DIP2C: variants seen among roughly 807,000 people sequenced by gnomAD.
DIP2C encodes disco-interacting protein 2 homolog C.
Under a neutral mutation model 192.4 loss-of-function variants are expected in DIP2C, and 33 were observed. That is an observed-to-expected ratio of 0.17 (90% confidence interval 0.13 to 0.23). The LOEUF is 0.23. Among genes scored for constraint, DIP2C ranks in the 10% least tolerant of loss-of-function variants. The pLI is 1.00. For synonymous variants in DIP2C, 979 were observed against 864.1 expected, an observed-to-expected ratio of 1.13 and a Z score of -2.33; for missense variants, 1,537 against 2,110.1, an observed-to-expected ratio of 0.73 and a Z score of 5.32.
rs560694274 is a variant in DIP2C at position 353,343 on chromosome 10, A to G, written c.2985+3083T>C. ...TATATTTTAAAATTCTAAAGAAGGT[A>G]TAAGTTAAAAAAGGTCAAAAGAGTT... On this transcript the variant is annotated intron_variant, in intron 24 of 36. Coordinates refer to ENST00000280886, the MANE Select transcript of DIP2C (RefSeq NM_014974.3). Among the ~76,000 whole-genome samples, 34 of 152,360 alleles carry G rather than the reference A, an allele frequency of 2.2e-4. No homozygotes were observed. In the South Asian group the frequency reaches 6.2e-3, roughly 28 times the overall value.
intron 1 of DIP2C, among the ~76,000 whole-genome samples, chr10:486,860 C>T (rs570822809): frequency 1.3e-5 from 2 of 152,210 alleles, no homozygotes; most frequent in East Asian, 1.9e-4. Flanking sequence ...CCGGGGCTCT[C>T]GTTAACTCAG....
At chr10:511,982 G>GC (rs1846042981) in intron 1 of DIP2C, among the ~76,000 whole-genome samples, 1 of 152,134 alleles carries the variant, frequency 6.6e-6, no homozygotes, top group Admixed American at 6.5e-5. Context: ...CTCCCGGGAG[G>GC]CCCTCGGTAA....
At chr10:476,936 C>T (rs114795015) in intron 2 of DIP2C, among the ~76,000 whole-genome samples, 2,223 of 151,880 alleles carry the variant, frequency 0.015, 54 homozygotes, top group African/African-American at 0.05. Flanking sequence ...ACCTTGCTCT[C>T]GGTGGAGCTG....
At chr10:593,114 G>A (rs1851497226) in intron 1 of DIP2C, among the ~76,000 whole-genome samples, 4 of 152,068 alleles carry the variant, frequency 2.6e-5, no homozygotes, top group South Asian at 2.1e-4. Context: ...TCCCAGCACT[G>A]AGAGGCAGTC....
intron 4 of DIP2C, among the ~76,000 whole-genome samples, chr10:435,976 T>C (rs975797628): frequency 7.2e-5 from 11 of 152,046 alleles, no homozygotes; most frequent in Admixed American, 3.9e-4. Flanking sequence ...TATATAAATA[T>C]ATAAACAGGT....
At chr10:606,086 G>C (rs944137835) in intron 1 of DIP2C, among the ~76,000 whole-genome samples, 140 of 152,356 alleles carry the variant, frequency 9.2e-4, no homozygotes, top group African/African-American at 3.0e-3. Flanking sequence ...GCAGCGTGGA[G>C]ACCGGGAAGC....
rs138290274 is a variant in DIP2C, at chr10:536,379, C to A, written c.86-49849G>T. 1.6e-3 allele frequency among the ~76,000 whole-genome samples: 240 copies of A among 151,300 alleles called. 3 individuals carry two copies. Among genetic ancestry groups the A allele is most frequent in the East Asian group, 0.014 (71 of 5,178 alleles). On this transcript the variant is annotated intron_variant, in intron 1 of 36. Coordinates refer to ENST00000280886, the MANE Select transcript of DIP2C (RefSeq NM_014974.3). Reference sequence around the variant, plus strand: ...CTGTTCCCCATAGGGACATCACAGTCCCGGGGGCTAGAGTTGTATCTATCT... The same window carrying A: ...CTGTTCCCCATAGGGACATCACAGTACCGGGGGCTAGAGTTGTATCTATCT...
intron 1 of DIP2C, among the ~76,000 whole-genome samples, chr10:535,816 C>T (rs945536895): frequency 4.6e-5 from 7 of 152,168 alleles, no homozygotes; most frequent in South Asian, 2.1e-4. Flanking sequence ...CCAGGAAATA[C>T]GACACCTTGG....
At chr10:339,302 A>G (rs1958029783) in intron 29 of DIP2C, among the ~76,000 whole-genome samples, 2 of 152,034 alleles carry the variant, frequency 1.3e-5, no homozygotes, top group African/African-American at 4.8e-5. Flanking sequence ...TTTTAATGGG[A>G]AGATTCATGG....
chr10:608,927 T>C (rs544038231), intron 1 of DIP2C, among the ~76,000 whole-genome samples: 1 of 151,634 alleles, frequency 6.6e-6, no homozygotes, highest in East Asian at 2.0e-4. Flanking sequence ...TTGACTAATA[T>C]ACAAAGGACC....
chr10:289,333 A>C (rs1589396086), intron 32 of DIP2C, among the ~76,000 whole-genome samples: 1 of 152,076 alleles, frequency 6.6e-6, no homozygotes, highest in Non-Finnish European at 1.5e-5. Context: ...ACAGTGGCAC[A>C]ATCATGGCTC....
At chr10:612,258 C>T (rs11253281) in intron 1 of DIP2C, among the ~76,000 whole-genome samples, 3,080 of 151,782 alleles carry the variant, frequency 0.02, 110 homozygotes, top group African/African-American at 0.07. Flanking sequence ...CACCACTGCG[C>T]TCCAGCCTGG....
chr10:579,855 A>G (rs1458349443), intron 1 of DIP2C, among the ~76,000 whole-genome samples: 4 of 152,100 alleles, frequency 2.6e-5, no homozygotes, highest in Non-Finnish European at 4.4e-5. Flanking sequence ...TGTACAGTGT[A>G]CATGCATATG....
intron 3 of DIP2C, among the ~76,000 whole-genome samples, chr10:446,987 T>C (rs1184605899): frequency 6.6e-6 from 1 of 152,200 alleles, no homozygotes; most frequent in Non-Finnish European, 1.5e-5. Flanking sequence ...TTTGATGTAG[T>C]AATAATTTGT....
chr10:389,103 G>A (rs1455054897), intron 13 of DIP2C, among the ~76,000 whole-genome samples: 1 of 145,490 alleles, frequency 6.9e-6, no homozygotes, highest in Non-Finnish European at 1.5e-5. Flanking sequence ...GTTCTCTGAG[G>A]TCTCAAGGGG....
chr10:543,511 C>T (rs142689986), intron 1 of DIP2C, among the ~76,000 whole-genome samples: 12 of 152,282 alleles, frequency 7.9e-5, no homozygotes, highest in East Asian at 1.9e-4. Context: ...ATTCAGCTCA[C>T]GTTTACATGT....
intron 1 of DIP2C, among the ~76,000 whole-genome samples, chr10:627,064 T>TTGGTGACCCACCTCCC (rs1854248437): frequency 6.6e-6 from 1 of 152,252 alleles, no homozygotes; most frequent in Non-Finnish European, 1.5e-5. Context: ...TCGCTCGCCG[T>TTGGTGACCCACCTCCC]ACCAGGATTT....
chr10:567,852 A>ACTC (rs1376972263), intron 1 of DIP2C, among the ~76,000 whole-genome samples: 1 of 151,890 alleles, frequency 6.6e-6, no homozygotes, highest in African/African-American at 2.4e-5. Flanking sequence ...CTGGTCTCGA[A>ACTC]CTCCTGACCT....
chr10:659,790 T>G (rs1856644749), intron 1 of DIP2C, among the ~76,000 whole-genome samples: 1 of 152,240 alleles, frequency 6.6e-6, no homozygotes, highest in African/African-American at 2.4e-5. Context: ...TCCCGGGATC[T>G]GACCACTTGT....
Sources: allele counts gnomAD v4.1 joint callset (sites outside exome capture counted in the v4.1 genomes callset), GRCh38; gene constraint gnomAD v4.1.1; transcripts MANE v1.5; gene names NCBI Gene and HGNC (gene_info 2026-07-23, HGNC 2026-07-21).